ZNF606: variants seen among roughly 807,000 people sequenced by gnomAD.
ZNF606 encodes zinc finger protein 606, also known as zinc finger protein 328.
ZNF606 carries 37 observed loss-of-function variants against 74.9 expected under a neutral mutation model. The ratio of observed to expected loss-of-function variants is 0.49; its 90% CI spans 0.38 to 0.65. ZNF606 has a LOEUF of 0.65. ZNF606 is among the 30% of genes least tolerant of loss of function. The probability of loss-of-function intolerance (pLI) is 0.00; values close to 1 mark genes in which losing one functional copy is unlikely to be tolerated. For synonymous variants in ZNF606, 328 were observed against 312.4 expected (o/e 1.05, Z -0.53); for missense variants, 852 against 952.9 (o/e 0.89, Z 1.39).
In ZNF606 at chr19:57,999,875, G is replaced by A. The variant is rs2073392049; in HGVS notation, c.110C>T (p.Ala37Val). Residue 37 changes from alanine (A) to valine (V), a missense_variant, in exon 4 of 7, where the codon GCC becomes GTC. Around this residue, in one of 3 missense-constraint regions of ZNF606, gnomAD observed 545 missense variants for 542.5 expected, o/e 1.00. Transcript: ENST00000551380. ...CTCCAGGCTTCCCTCCACGTGCCAG[G>A]CAGGATACTGAGGACACAGAGCTAG... ...ASWALCPQYP[A>V]WHVEGSLEEG... is the part of the protein sequence containing the mutation. The A allele has an allele frequency of 6.2e-7, 1 of 1,613,978 alleles. No individual in the cohort carries two copies. The highest frequency in any genetic ancestry group is 1.7e-5 in the Admixed American group (1 of 60,018).
chr19:57,989,626 T>C (rs182027192), intron 4 of ZNF606, among the ~76,000 whole-genome samples: 18 of 151,982 alleles, frequency 1.2e-4, no homozygotes, highest in Non-Finnish European at 2.4e-4. Context: ...TTTGTATTTT[T>C]AGTAGAGACA....
At chr19:57,989,880 T>C (rs938592671) in intron 4 of ZNF606, among the ~76,000 whole-genome samples, 3 of 141,494 alleles carry the variant, frequency 2.1e-5, no homozygotes, top group South Asian at 2.2e-4. Context: ...TGAAACCCCG[T>C]CTCTACTAAA....
intron 4 of ZNF606, chr19:57,999,459 C>T (rs899435843): frequency 5.4e-6 from 2 of 371,404 alleles, no homozygotes; most frequent in African/African-American, 2.0e-5. Flanking sequence ...GTTCCCTTCA[C>T]AGCAGGCACA....
At chr19:57,980,659 C>T (rs558676733) in intron 6 of ZNF606, among the ~76,000 whole-genome samples, 127 of 152,084 alleles carry the variant, frequency 8.4e-4, no homozygotes, top group African/African-American at 3.0e-3. Flanking sequence ...CACAGTGAAA[C>T]CCTGTCTCTA....
chr19:57,999,633 T>C, intron 4 of ZNF606, 175 bp downstream of exon 4: 1 of 627,982 alleles, frequency 1.6e-6, no homozygotes, highest in South Asian at 1.9e-5. Context: ...ACACTAAGGC[T>C]CCGAATCACT....
intron 4 of ZNF606, among the ~76,000 whole-genome samples, chr19:57,991,996 C>A (rs1033229688): frequency 6.6e-6 from 1 of 152,132 alleles, no homozygotes; most frequent in Non-Finnish European, 1.5e-5. Flanking sequence ...TTCACCTACA[C>A]TTAACAAGGT....
chr19:57,985,234 C>T (rs1271435033), intron 6 of ZNF606, among the ~76,000 whole-genome samples: 1 of 152,188 alleles, frequency 6.6e-6, no homozygotes, highest in Non-Finnish European at 1.5e-5. Context: ...TTCTAACTTA[C>T]CCCGGTCCCA....
At chr19:57,980,667 C>A (rs544626427) in intron 6 of ZNF606, among the ~76,000 whole-genome samples, 126 of 152,166 alleles carry the variant, frequency 8.3e-4, no homozygotes, top group African/African-American at 3.0e-3. Context: ...AACCCTGTCT[C>A]TACTAAAAAT....
chr19:57,992,937 T>C (rs1441003457), intron 4 of ZNF606, among the ~76,000 whole-genome samples: 5 of 152,218 alleles, frequency 3.3e-5, no homozygotes, highest in Admixed American at 3.3e-4. Flanking sequence ...ATCTTAATGA[T>C]AAAAGGAACT....
upstream of ZNF606, chr19:58,003,061 C>G: frequency 2.4e-6 from 1 of 409,552 alleles, no homozygotes; most frequent in South Asian, 1.7e-5. Context: ...GTCGCGGCCC[C>G]GCGGGCCTCG....
At chr19:58,001,180 G>C in intron 2 of ZNF606, 109 bp downstream of exon 2, 1 of 1,324,342 alleles carries the variant, frequency 7.6e-7, no homozygotes, top group Non-Finnish European at 1.1e-6. Context: ...TACCAAGATA[G>C]ACAGACCCCC....
chr19:57,994,880 G>A (rs113081907), intron 4 of ZNF606, among the ~76,000 whole-genome samples: 1 of 152,076 alleles, frequency 6.6e-6, no homozygotes, highest in East Asian at 1.9e-4. Flanking sequence ...GGCAGCACTA[G>A]TAACACTGAA....
At chr19:57,999,578 C>G (rs2073385921) in intron 4 of ZNF606, 1 of 524,440 alleles carries the variant, frequency 1.9e-6, no homozygotes, top group Non-Finnish European at 3.4e-6. Flanking sequence ...TGCCCCACAA[C>G]AAGCCAGGGA....
Position 58,002,678 on chromosome 19 carries a change from G to C in ZNF606, c.-334C>G. Reference sequence around the variant, plus strand: ...ACGGCGCAAAGCCGGCGCGGAAAGGGCAGGCGCAGGACCCACCCTGACGCC... The same window carrying C: ...ACGGCGCAAAGCCGGCGCGGAAAGGCCAGGCGCAGGACCCACCCTGACGCC... On this transcript the variant is annotated 5_prime_UTR_variant, in exon 1 of 7. Coordinates refer to ENST00000551380, the MANE Select transcript of ZNF606 (RefSeq NM_001348022.3). The C allele has an allele frequency of 2.2e-6, 1 of 454,468 alleles. No individual in the cohort carries two copies. Among genetic ancestry groups the C allele is most frequent in the Non-Finnish European group, 4.4e-6 (1 of 225,990 alleles). 28.2% of individuals were successfully genotyped at this position (454,468 alleles called of 1,614,324 possible).
intron 6 of ZNF606, among the ~76,000 whole-genome samples, chr19:57,981,042 A>G (rs2073078661): frequency 6.6e-6 from 1 of 152,146 alleles, no homozygotes; most frequent in African/African-American, 2.4e-5. Flanking sequence ...ATGTGTGCAA[A>G]CAATGTCATT....
upstream of ZNF606, chr19:58,002,874 C>A (rs2073466330): frequency 4.6e-6 from 2 of 431,956 alleles, no homozygotes. Flanking sequence ...GCACTTCCGG[C>A]GTCGGGCAGC....
At position 57,988,313 on chromosome 19, in the gene ZNF606, A is replaced by C; in HGVS notation, c.305-11T>G. ...TGGCAATCTGATTTCCTATGCATGG[A>C]GGAAAAGCATGGAAATCATGTCATG... On this transcript the variant is annotated splice_polypyrimidine_tract_variant and intron_variant, in intron 5 of 6. Transcript: ENST00000551380. 1.2e-6 allele frequency: 2 copies of C among 1,610,968 alleles called. No individual in the cohort carries two copies. Among genetic ancestry groups the C allele is most frequent in the Admixed American group, 1.7e-5 (1 of 59,576 alleles).
rs185506570 is a variant in ZNF606, at chr19:57,993,972, G to A, written c.178-5251C>T. On this transcript the variant is annotated intron_variant, in intron 4 of 6. Coordinates refer to ENST00000551380, the MANE Select transcript of ZNF606 (RefSeq NM_001348022.3). ...CCTGAGAAACACACACAGACCAGAC[G>A]TCTCCTGGACATGAGAAACACCTGA... Among the ~76,000 whole-genome samples, 12 of 152,222 alleles carry A rather than the reference G, an allele frequency of 7.9e-5. 1 individual carries two copies. Among genetic ancestry groups the A allele is most frequent in the East Asian group, 1.9e-4 (1 of 5,186 alleles).
chr19:57,994,690 G>A (rs1331315427), intron 4 of ZNF606, among the ~76,000 whole-genome samples: 1 of 152,214 alleles, frequency 6.6e-6, no homozygotes, highest in Non-Finnish European at 1.5e-5. Flanking sequence ...AGGTACTTAA[G>A]CTCACTAGCA....
Sources: allele counts gnomAD v4.1 joint callset (sites outside exome capture counted in the v4.1 genomes callset), GRCh38; gene constraint gnomAD v4.1.1; regional missense constraint gnomAD v4.1.1; transcripts MANE v1.5; gene names NCBI Gene and HGNC (gene_info 2026-07-23, HGNC 2026-07-21).